PTPRR: variants seen among roughly 807,000 people sequenced by gnomAD.
PTPRR encodes receptor-type tyrosine-protein phosphatase R.
In PTPRR, 38 loss-of-function variants were observed where a neutral mutation model predicts 77.2. That is an observed-to-expected ratio of 0.49 (90% confidence interval 0.38 to 0.65). The LOEUF (loss-of-function observed/expected upper bound fraction) is 0.65. Among genes scored for constraint, PTPRR ranks in the 30% least tolerant of loss-of-function variants. The pLI is 0.00. For synonymous variants in PTPRR, 299 were observed against 283.1 expected (o/e 1.06, Z -0.57); for missense variants, 744 against 799.2 (o/e 0.93, Z 0.83).
At chr12:70,815,265 C>A (rs916089721) in intron 2 of PTPRR, among the ~76,000 whole-genome samples, 3 of 151,472 alleles carry the variant, frequency 2.0e-5, no homozygotes, top group African/African-American at 4.9e-5. Context: ...GAAGACACAG[C>A]AATAGAAACT....
chr12:70,792,525 T>C (rs966922554), intron 2 of PTPRR, among the ~76,000 whole-genome samples: 1 of 152,178 alleles, frequency 6.6e-6, no homozygotes, highest in African/African-American at 2.4e-5. Flanking sequence ...TGATGTAAAT[T>C]TCAAACTTAT....
chr12:70,843,677 T>C (rs749709506), intron 2 of PTPRR, among the ~76,000 whole-genome samples: 2 of 152,170 alleles, frequency 1.3e-5, no homozygotes, highest in Non-Finnish European at 2.9e-5. Context: ...TTATCTTTGT[T>C]ATTGTAATTG....
At chr12:70,853,383 A>T (rs1892602281) in intron 2 of PTPRR, among the ~76,000 whole-genome samples, 1 of 152,238 alleles carries the variant, frequency 6.6e-6, no homozygotes, top group Non-Finnish European at 1.5e-5. Context: ...CACATTCTGC[A>T]TTAAAACTAC....
chr12:70,912,480 G>A (rs992678442), intron 1 of PTPRR, among the ~76,000 whole-genome samples: 1 of 152,022 alleles, frequency 6.6e-6, no homozygotes, highest in African/African-American at 2.4e-5. Flanking sequence ...CTGAAAAAAA[G>A]GAAATAAAAA....
intron 1 of PTPRR, among the ~76,000 whole-genome samples, chr12:70,895,009 A>T (rs1893402177): frequency 1.3e-5 from 2 of 151,744 alleles, no homozygotes; most frequent in South Asian, 4.1e-4. Context: ...ACAGAAGATG[A>T]TTCTCATACT....
intron 13 of PTPRR, 145 bp downstream of exon 13, chr12:70,656,559 T>C: frequency 3.6e-6 from 2 of 556,448 alleles, no homozygotes; most frequent in South Asian, 2.7e-5. Flanking sequence ...CTTTTTAATA[T>C]AATGCATATA....
intron 2 of PTPRR, among the ~76,000 whole-genome samples, chr12:70,784,569 G>C (rs758446695): frequency 6.6e-5 from 10 of 152,218 alleles, no homozygotes; most frequent in Non-Finnish European, 1.3e-4. Context: ...TGGGGGTTCT[G>C]TCTGCCTCCT....
At chr12:70,901,342 C>A (rs1300735509) in intron 1 of PTPRR, among the ~76,000 whole-genome samples, 1 of 151,314 alleles carries the variant, frequency 6.6e-6, no homozygotes, top group Non-Finnish European at 1.5e-5. Flanking sequence ...AGCCAAGATA[C>A]GAAAATAACC....
chr12:70,744,499 T>C (rs1236251462), intron 6 of PTPRR, among the ~76,000 whole-genome samples: 1 of 152,234 alleles, frequency 6.6e-6, no homozygotes, highest in Non-Finnish European at 1.5e-5. Flanking sequence ...TAAGGACTTT[T>C]AGAGATAAAC....
At chr12:70,862,953 G>A (rs1892779338) in intron 2 of PTPRR, among the ~76,000 whole-genome samples, 1 of 152,034 alleles carries the variant, frequency 6.6e-6, no homozygotes, top group Admixed American at 6.6e-5. Flanking sequence ...GTTTACCATA[G>A]CAATTGACAG....
intron 2 of PTPRR, among the ~76,000 whole-genome samples, chr12:70,804,374 G>A (rs1891672257): frequency 6.6e-6 from 1 of 151,874 alleles, no homozygotes; most frequent in South Asian, 2.1e-4. Context: ...TTGGCAACAT[G>A]GCAAAACCCT....
Position 70,795,913 on chromosome 12 carries a change from ATTT to A in PTPRR, c.358-31138_358-31136del, listed in dbSNP as rs71437157. ...TATATGTTCAAAATGTATTTAGTAG[ATTT>A]TTTTTTTTTTTTTTTTTTTTTTTTT... is the stretch of plus-strand genomic sequence containing the variant. On this transcript the variant is annotated intron_variant, in intron 2 of 13. Transcript: ENST00000283228. Among the ~76,000 whole-genome samples the A allele has an allele frequency of 2.0e-4, 18 of 88,388 alleles. 3 individuals are homozygous for A. The East Asian group carries it at 2.6e-3, about 13-fold the overall frequency. The allele number at this position is 88,388 out of a possible 152,430, so 58.0% of individuals were successfully genotyped here. A position where few individuals can be genotyped will look rare whatever the true frequency, so the allele number is the denominator to read the frequency against.
At chr12:70,775,868 A>C (rs17108764) in intron 2 of PTPRR, among the ~76,000 whole-genome samples, 6,384 of 152,224 alleles carry the variant, frequency 0.042, 458 homozygotes, top group African/African-American at 0.15. Flanking sequence ...GAATAAAAGC[A>C]AAAGGTTCTC....
chr12:70,825,219 A>T (rs1892088387), intron 2 of PTPRR, among the ~76,000 whole-genome samples: 1 of 152,196 alleles, frequency 6.6e-6, no homozygotes, highest in Non-Finnish European at 1.5e-5. Context: ...TGGAGGTTGC[A>T]GTGAGCCAAG....
intron 10 of PTPRR, among the ~76,000 whole-genome samples, chr12:70,675,662 T>G (rs1452117841): frequency 6.6e-6 from 1 of 152,034 alleles, no homozygotes; most frequent in Non-Finnish European, 1.5e-5. Context: ...ACTTTTTTTC[T>G]GGATTGAATT....
intron 2 of PTPRR, among the ~76,000 whole-genome samples, chr12:70,888,386 T>G (rs1326146864): frequency 1.3e-5 from 2 of 152,234 alleles, no homozygotes; most frequent in African/African-American, 4.8e-5. Flanking sequence ...TATCATTCTT[T>G]AATTTCTCAT....
At chr12:70,716,810 T>C (rs772789793) in intron 6 of PTPRR, among the ~76,000 whole-genome samples, 4 of 152,224 alleles carry the variant, frequency 2.6e-5, no homozygotes, top group Non-Finnish European at 5.9e-5. Context: ...ATTGTGCCAC[T>C]GCACTCTAGC....
chr12:70,807,222 T>G (rs1457025920), intron 2 of PTPRR, among the ~76,000 whole-genome samples: 1 of 152,180 alleles, frequency 6.6e-6, no homozygotes, highest in Non-Finnish European at 1.5e-5. Context: ...GGATGGGACA[T>G]TGTTGAACTA....
chr12:70,824,790 A>T (rs1301612787), intron 2 of PTPRR, among the ~76,000 whole-genome samples: 1 of 152,188 alleles, frequency 6.6e-6, no homozygotes, highest in Non-Finnish European at 1.5e-5. Context: ...GATGAAAAAA[A>T]TCACCATTCC....
Sources: allele counts gnomAD v4.1 joint callset (sites outside exome capture counted in the v4.1 genomes callset), GRCh38; gene constraint gnomAD v4.1.1; transcripts MANE v1.5; gene names NCBI Gene and HGNC (gene_info 2026-07-23, HGNC 2026-07-21).